Variants in FBXW10B observed in about 807,000 individuals in gnomAD.
The protein encoded by FBXW10B is F-box and WD repeat domain containing protein 10B.
the FBXW10B span, among the ~76,000 whole-genome samples, chr17:15,604,091 A>C: frequency 3.4e-5 from 5 of 148,982 alleles, no homozygotes; most frequent in Admixed American, 2.7e-4. Context: ...AAAAAAAAAA[A>C]CAAAAACTAG....
At chr17:15,616,977 C>T in the FBXW10B span, among the ~76,000 whole-genome samples, 2 of 152,164 alleles carry the variant, frequency 1.3e-5, no homozygotes, top group African/African-American at 4.8e-5. Flanking sequence ...CTGCTGCTGG[C>T]AGCACTCACT....
the FBXW10B span, chr17:15,588,862 G>C: frequency 6.2e-7 from 1 of 1,614,156 alleles, no homozygotes; most frequent in Non-Finnish European, 8.5e-7. Context: ...CCCGTTGCTA[G>C]CTGTGTCCTT....
At chr17:15,568,969 T>G in the FBXW10B span, 2 of 1,230,380 alleles carry the variant, frequency 1.6e-6, no homozygotes, top group Non-Finnish European at 2.0e-6. Flanking sequence ...TCTGCCTTCT[T>G]CCTAACCCTC....
the FBXW10B span, among the ~76,000 whole-genome samples, chr17:15,579,924 GA>G: frequency 1.3e-5 from 2 of 151,290 alleles, no homozygotes; most frequent in East Asian, 1.9e-4. Context: ...TTAAAAAGGA[GA>G]AAAAAATAAT....
At chr17:15,614,029 T>C in the FBXW10B span, 1 of 1,609,356 alleles carries the variant, frequency 6.2e-7, no homozygotes, top group East Asian at 2.2e-5. Flanking sequence ...TCCTCCATGG[T>C]TCCTCTAGAG....
the FBXW10B span, among the ~76,000 whole-genome samples, chr17:15,607,287 C>G: frequency 6.7e-6 from 1 of 148,518 alleles, no homozygotes; most frequent in Non-Finnish European, 1.5e-5. Flanking sequence ...ATTAATAAAA[C>G]AAAATAAAGA....
the FBXW10B span, chr17:15,596,748 A>T: frequency 1.4e-6 from 2 of 1,423,968 alleles, no homozygotes; most frequent in East Asian, 4.9e-5. Flanking sequence ...GCTCCCCATC[A>T]CAGAAGCAAA....
chr17:15,589,277 A>G, the FBXW10B span: 1 of 1,606,710 alleles, frequency 6.2e-7, no homozygotes, highest in South Asian at 1.1e-5. Flanking sequence ...TGGTGGGTGC[A>G]CATGACATAC....
chr17:15,591,542 C>A, the FBXW10B span, among the ~76,000 whole-genome samples: 1 of 152,204 alleles, frequency 6.6e-6, no homozygotes, highest in African/African-American at 2.4e-5. Flanking sequence ...CCCACCTCGG[C>A]CTCCCAAAGT....
chr17:15,579,174 A>AAATAAATAAAT, the FBXW10B span, among the ~76,000 whole-genome samples: 1 of 139,180 alleles, frequency 7.2e-6, no homozygotes, highest in African/African-American at 3.2e-5. Flanking sequence ...AATAAATAAA[A>AAATAAATAAAT]AGGTGTCTGT....
the FBXW10B span, among the ~76,000 whole-genome samples, chr17:15,597,937 G>A: frequency 6.6e-6 from 1 of 152,268 alleles, no homozygotes; most frequent in Non-Finnish European, 1.5e-5. Flanking sequence ...AAGTCTTGCA[G>A]GTGGTGAGTG....
the FBXW10B span, among the ~76,000 whole-genome samples, chr17:15,570,503 G>A: frequency 1.3e-5 from 2 of 152,166 alleles, no homozygotes; most frequent in African/African-American, 4.8e-5. Context: ...ACTGGGAAGA[G>A]GTTAAGGAAA....
the FBXW10B span, chr17:15,595,066 G>A: frequency 6.3e-6 from 3 of 478,934 alleles, no homozygotes; most frequent in Non-Finnish European, 8.2e-6. Flanking sequence ...TGGAGGCCGG[G>A]CGCGGTGGCT....
the FBXW10B span, among the ~76,000 whole-genome samples, chr17:15,569,246 A>G: frequency 5.3e-5 from 8 of 152,192 alleles, no homozygotes; most frequent in African/African-American, 1.9e-4. Context: ...ACTAATTTAC[A>G]TGCCCCGTCA....
the FBXW10B span, chr17:15,571,452 C>T: frequency 6.6e-6 from 1 of 151,914 alleles, no homozygotes; most frequent in Non-Finnish European, 1.5e-5. Context: ...AGGGGAAATG[C>T]AAATTAAAAA....
chr17:15,615,028 G>A, the FBXW10B span, among the ~76,000 whole-genome samples: 2 of 152,164 alleles, frequency 1.3e-5, no homozygotes, highest in Non-Finnish European at 2.9e-5. Flanking sequence ...AGACTCCAAA[G>A]GAAATCATTG....
chr17:15,614,069 T>C, the FBXW10B span: 13 of 1,594,680 alleles, frequency 8.2e-6, no homozygotes, highest in African/African-American at 1.6e-4. Context: ...GTGGTTGAGT[T>C]GGCTCTGTAG....
At chr17:15,605,694 C>A in the FBXW10B span, among the ~76,000 whole-genome samples, 1 of 152,106 alleles carries the variant, frequency 6.6e-6, no homozygotes, top group African/African-American at 2.4e-5. Flanking sequence ...GCTAAATCCC[C>A]AAGAGAGAGA....
the FBXW10B span, among the ~76,000 whole-genome samples, chr17:15,610,829 C>G: frequency 6.6e-6 from 1 of 152,120 alleles, no homozygotes; most frequent in Non-Finnish European, 1.5e-5. Flanking sequence ...GAAGGGTGTT[C>G]TTTGTGTTAT....
Sources: allele counts gnomAD v4.1 joint callset (sites outside exome capture counted in the v4.1 genomes callset), GRCh38; gene constraint gnomAD v4.1.1; transcripts MANE v1.5; gene names NCBI Gene and HGNC (gene_info 2026-07-23, HGNC 2026-07-21).